RANBP2: variants seen among roughly 807,000 people sequenced by gnomAD.
RANBP2 encodes RAN binding protein 2, also known as E3 SUMO-protein ligase RanBP2.
Under a neutral mutation model 303.6 loss-of-function variants are expected in RANBP2, and 57 were observed. The observed-to-expected ratio is 0.19, with a 90% CI of 0.15 to 0.23. The LOEUF is 0.23. Among genes scored for constraint, RANBP2 ranks in the 10% least tolerant of loss-of-function variants. The probability of loss-of-function intolerance (pLI) is 1.00; values close to 1 mark genes in which losing one functional copy is unlikely to be tolerated. For synonymous variants in RANBP2, 1,167 were observed against 1,301.5 expected, an observed-to-expected ratio of 0.90 and a Z score of 2.23; for missense variants, 3,138 against 3,780.8, an observed-to-expected ratio of 0.83 and a Z score of 4.46.
At chr2:109,042,201 T>G in the RANBP2 span, among the ~76,000 whole-genome samples, 1 of 152,240 alleles carries the variant, frequency 6.6e-6, no homozygotes, top group Admixed American at 6.5e-5. Context: ...TCAGTCACTT[T>G]GTTCCAGCAC....
chr2:109,317,320 AG>A, the RANBP2 span, among the ~76,000 whole-genome samples: 1 of 152,020 alleles, frequency 6.6e-6, no homozygotes, highest in Admixed American at 6.5e-5. Flanking sequence ...CCTGTCCCTG[AG>A]GGGGCGTCTG....
the RANBP2 span, chr2:108,882,214 CAT>C: frequency 6.6e-6 from 1 of 150,564 alleles, no homozygotes; most frequent in Middle Eastern, 3.5e-3. Flanking sequence ...GATATAATAA[CAT>C]AATAGTAACA....
chr2:109,337,378 C>G, the RANBP2 span, among the ~76,000 whole-genome samples: 1 of 152,252 alleles, frequency 6.6e-6, no homozygotes, highest in Non-Finnish European at 1.5e-5. Flanking sequence ...TGTAACTTCT[C>G]TGCATCCAAG....
the RANBP2 span, among the ~76,000 whole-genome samples, chr2:109,241,058 T>C: frequency 6.6e-6 from 1 of 152,186 alleles, no homozygotes; most frequent in African/African-American, 2.4e-5. Flanking sequence ...ACTAAAAATA[T>C]ATGTTTAAAA....
At chr2:109,169,437 C>A in the RANBP2 span, among the ~76,000 whole-genome samples, 1 of 151,918 alleles carries the variant, frequency 6.6e-6, no homozygotes, top group African/African-American at 2.4e-5. Context: ...CAGCTCAGCT[C>A]CCTGTGGTGG....
In RANBP2 at chr2:108,772,786, G is replaced by A; in HGVS notation, c.8114-82G>A. 3.5e-6 allele frequency: 5 copies of A among 1,448,412 alleles called. No individual in the cohort carries two copies. In the South Asian group the frequency reaches 4.8e-5, roughly 14 times the overall value. The allele number at this position is 1,448,412 out of a possible 1,614,324, so 89.7% of individuals were successfully genotyped here. ...TACAGGTCTTGTTACCTGGGTCTGT[G>A]GATTATGTTGATGACTACCATTGTT... is the stretch of plus-strand genomic sequence containing the variant. On this transcript the variant is annotated intron_variant, in intron 22 of 28. Coordinates refer to ENST00000283195, the MANE Select transcript of RANBP2 (RefSeq NM_006267.5).
At chr2:108,888,806 C>T in the RANBP2 span, among the ~76,000 whole-genome samples, 2 of 151,444 alleles carry the variant, frequency 1.3e-5, no homozygotes, top group African/African-American at 4.8e-5. Flanking sequence ...TTTATTTAGT[C>T]CTGCTCTGAT....
the RANBP2 span, among the ~76,000 whole-genome samples, chr2:108,945,284 A>T: frequency 6.6e-6 from 1 of 152,160 alleles, no homozygotes; most frequent in Non-Finnish European, 1.5e-5. Context: ...ATCTTTAAAG[A>T]CATCTTTTAT....
chr2:108,831,258 C>A, the RANBP2 span, among the ~76,000 whole-genome samples: 2 of 152,082 alleles, frequency 1.3e-5, no homozygotes, highest in Non-Finnish European at 1.5e-5. Context: ...TGTAAATACA[C>A]CTGATGATCT....
the RANBP2 span, among the ~76,000 whole-genome samples, chr2:109,275,312 A>T: frequency 4.9e-4 from 74 of 152,246 alleles, no homozygotes; most frequent in African/African-American, 1.7e-3. Flanking sequence ...CACCAGGGGA[A>T]ATCAGATCAC....
At chr2:108,747,024 A>G (rs1208978093) in intron 8 of RANBP2, among the ~76,000 whole-genome samples, 4 of 152,026 alleles carry the variant, frequency 2.6e-5, no homozygotes, top group Admixed American at 1.3e-4. Flanking sequence ...GGATTTCTTA[A>G]CTCTTTCTTT....
At chr2:109,387,955 G>C in the RANBP2 span, among the ~76,000 whole-genome samples, 67,045 of 151,490 alleles carry the variant, frequency 0.44, 15,520 homozygotes, top group South Asian at 0.54. Flanking sequence ...CAACCATGCT[G>C]AGGCTCCCCA....
At chr2:109,056,043 C>G in the RANBP2 span, among the ~76,000 whole-genome samples, 2 of 152,290 alleles carry the variant, frequency 1.3e-5, no homozygotes, top group Admixed American at 6.5e-5. Flanking sequence ...CAGGCGTGAG[C>G]CACTGAGCCC....
chr2:109,524,905 T>C, the RANBP2 span, among the ~76,000 whole-genome samples: 7,114 of 152,098 alleles, frequency 0.047, 565 homozygotes, highest in African/African-American at 0.16. Context: ...CACATGGAAT[T>C]CCCAAGCCCT....
chr2:108,967,003 TG>T, the RANBP2 span, among the ~76,000 whole-genome samples: 6 of 152,216 alleles, frequency 3.9e-5, no homozygotes, highest in African/African-American at 1.4e-4. Flanking sequence ...GGCACAGTCT[TG>T]GCCCACTGAA....
the RANBP2 span, chr2:109,545,345 C>T: frequency 6.7e-7 from 1 of 1,494,652 alleles, no homozygotes; most frequent in Non-Finnish European, 8.9e-7. Context: ...GAAAAATAAA[C>T]TTATTTTCTA....
the RANBP2 span, among the ~76,000 whole-genome samples, chr2:108,970,715 G>T: frequency 6.6e-6 from 1 of 152,174 alleles, no homozygotes; most frequent in Non-Finnish European, 1.5e-5. Flanking sequence ...AAGAATAAAA[G>T]CTAAGATGAT....
the RANBP2 span, among the ~76,000 whole-genome samples, chr2:109,611,019 C>A: frequency 6.6e-6 from 1 of 152,158 alleles, no homozygotes. Flanking sequence ...CAGAAACAGA[C>A]TGAAACAGAC....
At chr2:109,614,689 G>A in the RANBP2 span, 1 of 1,487,846 alleles carries the variant, frequency 6.7e-7, no homozygotes. Flanking sequence ...GCCACTGTGC[G>A]CGTCGATCCC....
Sources: allele counts gnomAD v4.1 joint callset (sites outside exome capture counted in the v4.1 genomes callset), GRCh38; gene constraint gnomAD v4.1.1; transcripts MANE v1.5; gene names NCBI Gene and HGNC (gene_info 2026-07-23, HGNC 2026-07-21).